Variants in PLEKHG5 observed in about 807,000 individuals in gnomAD.
The protein encoded by PLEKHG5 is pleckstrin homology domain-containing family G member 5.
Under a neutral mutation model 103.8 loss-of-function variants are expected in PLEKHG5, and 52 were observed. The observed-to-expected ratio is 0.50, with a 90% CI of 0.40 to 0.63. The LOEUF is 0.63. PLEKHG5 is among the 30% of genes least tolerant of loss of function. The probability of loss-of-function intolerance (pLI) is 0.00; values close to 1 mark genes in which losing one functional copy is unlikely to be tolerated. For synonymous variants in PLEKHG5, 592 were observed against 575.5 expected, an observed-to-expected ratio of 1.03 and a Z score of -0.41; for missense variants, 1,205 against 1,347.6, an observed-to-expected ratio of 0.89 and a Z score of 1.66.
At chr1:6,511,486 G>C (rs1177952490) in intron 1 of PLEKHG5, among the ~76,000 whole-genome samples, 1 of 152,244 alleles carries the variant, frequency 6.6e-6, no homozygotes, top group Non-Finnish European at 1.5e-5. Context: ...AAGCCCGAGA[G>C]AAACGTCTGA....
At position 6,486,540 on chromosome 1, in the gene PLEKHG5, G is replaced by A. The variant is rs987731696; in HGVS notation, c.-88+5097C>T. Among the ~76,000 whole-genome samples the A allele has an allele frequency of 6.6e-6, 1 of 152,190 alleles. No individual in the cohort carries two copies. Among genetic ancestry groups the A allele is most frequent in the African/African-American group, 2.4e-5 (1 of 41,450 alleles). ...GGGCTGCTCTGAGAGGCTATCCTTG[G>A]CAGCCCCCAGGAGCTGGGTGAGGTG... On this transcript the variant is annotated intron_variant, in intron 1 of 20. Transcript: ENST00000377728. This position sits in a 1 kb window ranked among gnomAD's most constrained non-coding sequence, Gnocchi z 5.3.
At chr1:6,496,642 C>A (rs1645229951), upstream of PLEKHG5, 2 of 1,127,670 alleles carry the variant, frequency 1.8e-6, no homozygotes, top group Non-Finnish European at 2.5e-6. Flanking sequence ...GCCTCCCAAC[C>A]GGAGGAGGGG....
At chr1:6,482,502 G>A (rs1020917150) in intron 1 of PLEKHG5, among the ~76,000 whole-genome samples, 2 of 152,122 alleles carry the variant, frequency 1.3e-5, no homozygotes, top group East Asian at 1.9e-4. Flanking sequence ...TAATGTGGTC[G>A]TCATGTGTCT....
intron 1 of PLEKHG5, among the ~76,000 whole-genome samples, chr1:6,509,976 G>A (rs903740831): frequency 6.6e-6 from 1 of 152,128 alleles, no homozygotes; most frequent in African/African-American, 2.4e-5. Flanking sequence ...GGACCCCAGG[G>A]CCCCAGGTGC....
At chr1:6,476,421 GA>G (rs1159335259) in intron 2 of PLEKHG5, among the ~76,000 whole-genome samples, 2 of 152,118 alleles carry the variant, frequency 1.3e-5, no homozygotes, top group Non-Finnish European at 2.9e-5. Context: ...TCAAACTCCT[GA>G]CCTGAAGTGA....
At chr1:6,519,480 G>T (rs745689353) in exon 1 of PLEKHG5, 7 of 1,613,916 alleles carry the variant, frequency 4.3e-6, no homozygotes, top group Non-Finnish European at 5.9e-6. Flanking sequence ...GCTTCGAGGT[G>T]GAGACCCATG....
intron 1 of PLEKHG5, among the ~76,000 whole-genome samples, chr1:6,481,147 G>A (rs1168757225): frequency 6.6e-6 from 1 of 152,126 alleles, no homozygotes; most frequent in Non-Finnish European, 1.5e-5. Flanking sequence ...ACAATATGTT[G>A]TCCATGTGCA....
At chr1:6,488,940 GA>G (rs1208725448) in intron 1 of PLEKHG5, among the ~76,000 whole-genome samples, 3 of 152,132 alleles carry the variant, frequency 2.0e-5, no homozygotes, top group African/African-American at 7.2e-5. Context: ...CCCAGCCCCA[GA>G]AAAGCAGATG....
intron 2 of PLEKHG5, 95 bp downstream of exon 2, chr1:6,477,434 C>A: frequency 7.8e-7 from 1 of 1,287,596 alleles, no homozygotes; most frequent in Non-Finnish European, 1.1e-6. Flanking sequence ...TTACAGTCGA[C>A]TTGTCCTTAT....
rs1380854015 is a variant in PLEKHG5 at position 6,474,031 on chromosome 1, CCGG to C, written c.570_572del (p.Arg191del). The C allele has an allele frequency of 5.0e-6, 8 of 1,606,962 alleles. No homozygotes were observed. Among genetic ancestry groups the C allele is most frequent in the Admixed American group, 3.4e-5 (2 of 59,570 alleles). The stretch of plus-strand genomic sequence containing the variant: ...TCCTCACCAAGATGTCCAGGCTCTC[CCGG>C]CGGCTCTGGGCGTCCACACGCTCCA... On this transcript the variant is annotated inframe_deletion, in exon 7 of 21. Coordinates refer to ENST00000377728, the MANE Select transcript of PLEKHG5 (RefSeq NM_020631.6).
chr1:6,477,862 G>A (rs1226526825), intron 1 of PLEKHG5, among the ~76,000 whole-genome samples: 1 of 151,416 alleles, frequency 6.6e-6, no homozygotes, highest in African/African-American at 2.4e-5. Context: ...ACCAACACGT[G>A]GTTATTTCTC....
chr1:6,478,558 G>T (rs1383193254), intron 1 of PLEKHG5, among the ~76,000 whole-genome samples: 1 of 152,154 alleles, frequency 6.6e-6, no homozygotes, highest in Non-Finnish European at 1.5e-5. Context: ...CTGTAAACAG[G>T]TATCAGTATT....
Position 6,474,025 on chromosome 1 carries a change from G to T in PLEKHG5, c.579C>A (p.Ser193Arg), listed in dbSNP as rs778762052. ...ERVDAQSRRE[S>R]LDILAPGRRR... ...CCCTCCTCCTCACCAAGATGTCCAG[G>T]CTCTCCCGGCGGCTCTGGGCGTCCA... The change falls in exon 7 of 21, where the codon AGC becomes AGA. Residue 193 changes from serine to arginine, a missense_variant. By Grantham distance (110) the Ser-to-Arg change is moderately radical. Coordinates refer to ENST00000377728, the MANE Select transcript of PLEKHG5 (RefSeq NM_020631.6). The T allele has an allele frequency of 6.2e-7, 1 of 1,602,568 alleles. No homozygotes were observed. Among genetic ancestry groups the T allele is most frequent in the Non-Finnish European group, 8.5e-7 (1 of 1,175,362 alleles).
chr1:6,484,542 G>A lies in PLEKHG5; in HGVS notation c.-87-6884C>T, dbSNP rs181281142. Among the ~76,000 whole-genome samples the A allele has an allele frequency of 3.9e-5, 6 of 152,268 alleles. No individual in the cohort carries two copies. The East Asian group carries it at 1.2e-3, about 29-fold the overall frequency. Reference sequence around the variant, plus strand: ...GAAGCTGGGGTGGGCAGAGCTCCCTGGTGCAGTTTCTGCTCCCCGTTCTGC... The same window carrying A: ...GAAGCTGGGGTGGGCAGAGCTCCCTAGTGCAGTTTCTGCTCCCCGTTCTGC... On this transcript the variant is annotated intron_variant, in intron 1 of 20. Transcript: ENST00000377728.
Position 6,486,639 on chromosome 1 carries a change from C to T in PLEKHG5, c.-88+4998G>A, listed in dbSNP as rs1249921735. Among the ~76,000 whole-genome samples, 1 of 152,214 alleles carries T rather than the reference C, an allele frequency of 6.6e-6. No homozygotes were observed. The highest frequency in any genetic ancestry group is 1.5e-5 in the Non-Finnish European group (1 of 68,036). On this transcript the variant is annotated intron_variant, in intron 1 of 20. Coordinates refer to ENST00000377728, the MANE Select transcript of PLEKHG5 (RefSeq NM_020631.6). This position sits in a 1 kb window ranked among gnomAD's most constrained non-coding sequence, Gnocchi z 5.3. The stretch of plus-strand genomic sequence containing the variant: ...CCTGCAGTTCTAGGCCAGGTCCCCA[C>T]CGCCAGGGGGCACTCAGCAAAGCCT...
chr1:6,496,685 A>C, exon 1 of PLEKHG5: 1 of 687,690 alleles, frequency 1.5e-6, no homozygotes, highest in East Asian at 3.2e-5. Flanking sequence ...CCTTCAAAAG[A>C]GGTCAGCGTC....
chr1:6,475,420 C>T (rs1243899347), intron 4 of PLEKHG5, 42 bp downstream of exon 4: 1 of 1,568,920 alleles, frequency 6.4e-7, no homozygotes, highest in East Asian at 2.2e-5. Flanking sequence ...AGGGCGCAGG[C>T]TGTAGGGAAC....
intron 1 of PLEKHG5, among the ~76,000 whole-genome samples, chr1:6,509,983 G>T (rs1349857462): frequency 6.6e-6 from 1 of 152,170 alleles, no homozygotes; most frequent in Non-Finnish European, 1.5e-5. Context: ...AGGGCCCCAG[G>T]TGCAGGTAAC....
At position 6,477,004 on chromosome 1, in the gene PLEKHG5, A is replaced by C. The variant is rs2986750; in HGVS notation, c.43+525T>G. ...TGTTCCTCTGATCAGCTGGGAAAGGACTCGGGGGTTGGCATTTCTCACCAG... is the reference window on the plus strand; with the variant it reads ...TGTTCCTCTGATCAGCTGGGAAAGGCCTCGGGGGTTGGCATTTCTCACCAG... On this transcript the variant is annotated intron_variant, in intron 2 of 20. Transcript: ENST00000377728. Among the ~76,000 whole-genome samples, 752 of 151,952 alleles carry C rather than the reference A, an allele frequency of 4.9e-3. 4 individuals carry two copies. Among genetic ancestry groups the C allele is most frequent in the African/African-American group, 0.017 (688 of 41,446 alleles).
Sources: allele counts gnomAD v4.1 joint callset (sites outside exome capture counted in the v4.1 genomes callset), GRCh38; gene constraint gnomAD v4.1.1; non-coding constraint Gnocchi (gnomAD v3.1); transcripts MANE v1.5; gene names NCBI Gene and HGNC (gene_info 2026-07-23, HGNC 2026-07-21).